GIPR: variants seen among roughly 807,000 people sequenced by gnomAD.
GIPR encodes the protein gastric inhibitory polypeptide receptor, also known as GIP-R.
Under a neutral mutation model 62.2 loss-of-function variants are expected in GIPR, and 74 were observed. The ratio of observed to expected loss-of-function variants is 1.19; its 90% CI spans 0.99 to 1.44. The LOEUF (loss-of-function observed/expected upper bound fraction) is 1.44, where lower values mean the gene tolerates loss of function less well. Among genes scored for constraint, GIPR ranks in the 40% most tolerant of loss-of-function variants. GIPR has a pLI of 0.00. For missense variants in GIPR, 664 were observed against 611.8 expected (o/e 1.09, Z -0.90); for synonymous variants, 256 against 262.2 (o/e 0.98, Z 0.23).
chr19:45,670,443 A>G, intron 2 of GIPR, 192 bp from the exon 3 acceptor site: 1 of 542,302 alleles, frequency 1.8e-6, no homozygotes, highest in Non-Finnish European at 3.4e-6. Context: ...TCAGTCTCCC[A>G]TAGCAACTCC....
intron 4 of GIPR, among the ~76,000 whole-genome samples, chr19:45,672,350 A>G (rs1279013466): frequency 6.6e-6 from 1 of 151,460 alleles, no homozygotes; most frequent in Non-Finnish European, 1.5e-5. Flanking sequence ...GCTTTGTTGC[A>G]AGGCTGGAAT....
Position 45,671,269 on chromosome 19 carries a change from C to G in GIPR, c.173-16C>G, listed in dbSNP as rs1304390541. 2.6e-6 allele frequency: 4 copies of G among 1,517,790 alleles called. No homozygotes were observed. The highest frequency in any genetic ancestry group is 3.7e-6 in the Non-Finnish European group (4 of 1,095,806). The allele number at this position is 1,517,790 out of a possible 1,614,324, so 94.0% of individuals were successfully genotyped here. A position where few individuals can be genotyped will look rare whatever the true frequency, so the allele number is the denominator to read the frequency against. ...AGTAGGTCCACTGGGCACCTGGCCC[C>G]CGTGCCCACCCCCAGGCCTCGCCTG... On this transcript the variant is annotated splice_polypyrimidine_tract_variant and intron_variant, in intron 3 of 13. Coordinates refer to ENST00000590918, the MANE Select transcript of GIPR (RefSeq NM_000164.4).
chr19:45,669,275 C>G (rs1270908077), intron 1 of GIPR, among the ~76,000 whole-genome samples: 1 of 152,216 alleles, frequency 6.6e-6, no homozygotes, highest in Non-Finnish European at 1.5e-5. Flanking sequence ...CGCCCACCAC[C>G]GGAGTTCCAC....
rs869190523 is a variant in GIPR at position 45,676,426 on chromosome 19, A to ATTTTTT, written c.634-503_634-498dup. ...AGATGGAGTCTCAAAAAAGAAGCTGATTTTTTTTTTTTTTTTTTTTTTTTT... is the reference window on the plus strand; with the variant it reads ...AGATGGAGTCTCAAAAAAGAAGCTGATTTTTTTTTTTTTTTTTTTTTTTTTTTTTTT... On this transcript the variant is annotated intron_variant, in intron 7 of 13. Coordinates refer to ENST00000590918, the MANE Select transcript of GIPR (RefSeq NM_000164.4). 7.7e-4 allele frequency among the ~76,000 whole-genome samples: 57 copies of ATTTTTT among 73,718 alleles called. 2 individuals carry two copies. The highest frequency in any genetic ancestry group is 9.2e-4 in the Non-Finnish European group (39 of 42,522). 48.4% of individuals were successfully genotyped at this position (73,718 alleles called of 152,430 possible).
Position 45,681,763 on chromosome 19 carries a change from G to A in GIPR, c.1229G>A (p.Cys410Tyr). 6.2e-7 allele frequency: 1 copy of A among 1,604,434 alleles called. No homozygotes were observed. Among genetic ancestry groups the A allele is most frequent in the Non-Finnish European group, 8.5e-7 (1 of 1,175,430 alleles). The change falls in exon 14 of 14, where the codon TGC (cysteine) becomes TAC (tyrosine). Residue 410 changes from cysteine (C) to tyrosine (Y), a missense_variant. Transcript: ENST00000590918. ...GAGATCCGCCGTGGCTGGCACCACT[G>A]CCGCCTGCGCCGCAGCCTGGGCGAG... The part of the protein sequence containing the change: ...QSEIRRGWHH[C>Y]RLRRSLGEEQ...
chr19:45,677,994 G>A lies in GIPR; in HGVS notation c.1013G>A (p.Arg338Lys). The A allele has an allele frequency of 1.2e-6, 2 of 1,613,688 alleles. No individual in the cohort carries two copies. The highest frequency in any genetic ancestry group is 1.7e-6 in the Non-Finnish European group (2 of 1,180,034). ...RQMRCRDYRLRLARSTLTLVP... is the reference protein window; with the variant it reads ...RQMRCRDYRLKLARSTLTLVP... ...ATGCGCTGCCGGGATTACCGGCTGA[G>A]GTGAGGGCATGCGTTGGGGACCGAG... Residue 338 changes from arginine (R) to lysine (K), a missense_variant and splice_region_variant, in exon 11 of 14, where the codon AGG becomes AAG. Coordinates refer to ENST00000590918, the MANE Select transcript of GIPR (RefSeq NM_000164.4).
At chr19:45,673,237 T>G (rs1228447237) in intron 5 of GIPR, among the ~76,000 whole-genome samples, 1 of 151,818 alleles carries the variant, frequency 6.6e-6, no homozygotes, top group Non-Finnish European at 1.5e-5. Context: ...CTGGCCAACA[T>G]GTCAAAACCC....
At position 45,677,666 on chromosome 19, in the gene GIPR, G is replaced by A. The variant is rs575034208; in HGVS notation, c.855-44G>A. 4.6e-5 allele frequency: 68 copies of A among 1,474,354 alleles called. No individual in the cohort carries two copies. The Admixed American group carries it at 8.7e-4, about 19-fold the overall frequency. 91.3% of individuals were successfully genotyped at this position (1,474,354 alleles called of 1,614,324 possible). A position where few individuals can be genotyped will look rare whatever the true frequency, so the allele number is the denominator to read the frequency against. ...AGCAAATGAGCTTGGTGATCGGTGAGTCTAGAGTTTTTCTATCTCTTAGCT... is the reference window on the plus strand; with the variant it reads ...AGCAAATGAGCTTGGTGATCGGTGAATCTAGAGTTTTTCTATCTCTTAGCT... On this transcript the variant is annotated intron_variant, in intron 9 of 13. Coordinates refer to ENST00000590918, the MANE Select transcript of GIPR (RefSeq NM_000164.4).
At chr19:45,671,200 A>G (rs561183505) in intron 3 of GIPR, 85 bp from the exon 4 acceptor site, 26 of 829,708 alleles carry the variant, frequency 3.1e-5, no homozygotes, top group Middle Eastern at 2.4e-4. Context: ...CCCACTGCGG[A>G]GAAGCACTTG....
At chr19:45,668,500 C>T (rs1975375169) in intron 1 of GIPR, among the ~76,000 whole-genome samples, 1 of 152,226 alleles carries the variant, frequency 6.6e-6, no homozygotes, top group South Asian at 2.1e-4. Flanking sequence ...TCTCTTTCCC[C>T]TGCTCTGTCT....
rs772263243 is a variant in GIPR at position 45,681,918 on chromosome 19, T to C, written c.1384T>C (p.Leu462=). The change falls in exon 14 of 14, where the codon TTG becomes CTG. Residue 462 remains leucine, a synonymous_variant. Transcript: ENST00000590918. ...PGPGNEASRE[L]ESYC The stretch of plus-strand genomic sequence containing the variant: ...GCCTGGGAATGAGGCCAGCCGGGAG[T>C]TGGAAAGTTACTGCTAGGGGGCGGG... 5.8e-6 allele frequency: 9 copies of C among 1,559,716 alleles called. No individual in the cohort carries two copies. In the South Asian group the frequency reaches 1.1e-4, roughly 18 times the overall value.
At chr19:45,679,901 C>T (rs1464262812) in intron 12 of GIPR, among the ~76,000 whole-genome samples, 2 of 152,100 alleles carry the variant, frequency 1.3e-5, no homozygotes, top group Non-Finnish European at 2.9e-5. Context: ...TCCCAAGTAG[C>T]TGGGATTACA....
rs1967265984 is a variant in GIPR, at chr19:45,681,905, G to A, written c.1371G>A (p.Glu457=). 5 of 1,560,346 alleles carry A rather than the reference G, an allele frequency of 3.2e-6. No homozygotes were observed. The highest frequency in any genetic ancestry group is 4.3e-6 in the Non-Finnish European group (5 of 1,151,616). ...GGACCCTCCCAGGGCCTGGGAATGA[G>A]GCCAGCCGGGAGTTGGAAAGTTACT... ...SSGTLPGPGN[E]ASRELESYC is the part of the protein sequence containing the mutation. The change falls in exon 14 of 14, where the codon GAG becomes GAA. Residue 457 remains glutamate, a synonymous_variant. Transcript: ENST00000590918.
At chr19:45,678,633 G>T (rs1406302112) in intron 12 of GIPR, among the ~76,000 whole-genome samples, 1 of 152,202 alleles carries the variant, frequency 6.6e-6, no homozygotes, top group African/African-American at 2.4e-5. Context: ...AAAGTGCTGG[G>T]ATTACAGGCG....
intron 3 of GIPR, 37 bp from the exon 4 acceptor site, chr19:45,671,248 G>T: frequency 1.6e-6 from 2 of 1,235,714 alleles, no homozygotes. Flanking sequence ...CTGCGCAGTA[G>T]GTCCACTGGG....
intron 9 of GIPR, 116 bp from the exon 10 acceptor site, chr19:45,677,594 C>A: frequency 1.1e-6 from 1 of 916,648 alleles, no homozygotes; most frequent in Non-Finnish European, 1.8e-6. Flanking sequence ...ATGGGCGGGA[C>A]CTTAGAGAAT....
intron 1 of GIPR, 34 bp from the exon 2 acceptor site, chr19:45,669,443 G>A (rs959447876): frequency 1.3e-6 from 2 of 1,533,914 alleles, no homozygotes; most frequent in East Asian, 2.5e-5. Context: ...GAGTAGGAGG[G>A]CAGAGGTGCT....
In GIPR at chr19:45,674,978, A is replaced by G. The variant is rs773107442; in HGVS notation, c.633+152A>G. Reference sequence around the variant, plus strand: ...AAATGTGTCTTGGGGTGGGGGATCAAGACACATTTGGAGAGGGAACCTCCC... The same window carrying G: ...AAATGTGTCTTGGGGTGGGGGATCAGGACACATTTGGAGAGGGAACCTCCC... On this transcript the variant is annotated intron_variant, in intron 7 of 13. Transcript: ENST00000590918. 5.3e-6 allele frequency: 4 copies of G among 759,594 alleles called. No individual in the cohort carries two copies. In the African/African-American group the frequency reaches 5.3e-5, roughly 10 times the overall value. The allele number at this position is 759,594 out of a possible 1,614,324, so 47.1% of individuals were successfully genotyped here. A position where few individuals can be genotyped will look rare whatever the true frequency, so the allele number is the denominator to read the frequency against.
Position 45,677,682 on chromosome 19 carries a change from T to C in GIPR, c.855-28T>C, listed in dbSNP as rs765244188. The C allele has an allele frequency of 3.2e-6, 5 of 1,587,094 alleles. No individual in the cohort carries two copies. The East Asian group carries it at 6.7e-5, about 21-fold the overall frequency. On this transcript the variant is annotated intron_variant, in intron 9 of 13. Coordinates refer to ENST00000590918, the MANE Select transcript of GIPR (RefSeq NM_000164.4). ...GATCGGTGAGTCTAGAGTTTTTCTA[T>C]CTCTTAGCTCTACTCCGCCTTCCCC...
Sources: gnomAD v4.1 joint callset for allele counts (sites outside exome capture counted in the v4.1 genomes callset) on GRCh38, gnomAD v4.1.1 for gene constraint, MANE v1.5 for transcripts, NCBI Gene and HGNC (gene_info 2026-07-23, HGNC 2026-07-21) for gene names.